The following TRIP12 variants were observed in gnomAD, a reference collection of about 807,000 sequenced individuals.
The protein encoded by TRIP12 is E3 ubiquitin-protein ligase TRIP12.
Under a neutral mutation model 244.2 loss-of-function variants are expected in TRIP12, and 25 were observed. The ratio of observed to expected loss-of-function variants is 0.10; its 90% CI spans 0.07 to 0.14. The LOEUF (loss-of-function observed/expected upper bound fraction) is 0.14, where lower values mean the gene tolerates loss of function less well. TRIP12 is among the 10% of genes least tolerant of loss of function. TRIP12 has a pLI of 1.00. For synonymous variants in TRIP12, 905 were observed against 873.1 expected (o/e 1.04, Z -0.64); for missense variants, 1,677 against 2,486.4 (o/e 0.67, Z 6.92).
At chr2:229,911,918 T>C (rs1408951125) in intron 1 of TRIP12, among the ~76,000 whole-genome samples, 2 of 152,116 alleles carry the variant, frequency 1.3e-5, no homozygotes, top group Admixed American at 6.5e-5. Flanking sequence ...CACAATTCAC[T>C]TTTGTTTTAA....
intron 8 of TRIP12, among the ~76,000 whole-genome samples, chr2:229,822,947 A>G (rs986430071): frequency 6.6e-6 from 1 of 152,238 alleles, no homozygotes; most frequent in South Asian, 2.1e-4. Flanking sequence ...TTAACAAAAG[A>G]TTGAAGACAG....
At chr2:229,879,261 A>T (rs932835324) in intron 2 of TRIP12, among the ~76,000 whole-genome samples, 5 of 152,160 alleles carry the variant, frequency 3.3e-5, no homozygotes, top group African/African-American at 1.2e-4. Flanking sequence ...AAAACAAAAA[A>T]ATTTAACAAT....
At chr2:229,781,640 A>T (rs2038200236) in intron 34 of TRIP12, among the ~76,000 whole-genome samples, 1 of 152,162 alleles carries the variant, frequency 6.6e-6, no homozygotes, top group South Asian at 2.1e-4. Flanking sequence ...GAGCCCAAAG[A>T]CTGGTATAAT....
At chr2:229,869,887 G>C (rs2062226926) in intron 2 of TRIP12, among the ~76,000 whole-genome samples, 1 of 152,176 alleles carries the variant, frequency 6.6e-6, no homozygotes, top group Non-Finnish European at 1.5e-5. Flanking sequence ...GCTCTTCTCT[G>C]CCTGTCCATC....
At chr2:229,872,104 T>TAAAAAAAAAAAAAAAAAAAA (rs34496202) in intron 2 of TRIP12, among the ~76,000 whole-genome samples, 4 of 105,262 alleles carry the variant, frequency 3.8e-5, no homozygotes, top group Non-Finnish European at 5.7e-5. Context: ...ACAGATATTG[T>TAAAAAAAAAAAAAAAAAAAA]AAAAAAAAAA....
chr2:229,774,036 C>G, intron 38 of TRIP12, 61 bp downstream of exon 38: 4 of 1,553,240 alleles, frequency 2.6e-6, no homozygotes, highest in Non-Finnish European at 3.5e-6. Context: ...AAGCAAGGTA[C>G]AATCAGGCAA....
chr2:229,817,812 C>T (rs1254708526), intron 9 of TRIP12, among the ~76,000 whole-genome samples: 1 of 152,114 alleles, frequency 6.6e-6, no homozygotes, highest in Non-Finnish European at 1.5e-5. Flanking sequence ...CCAGCCTGGT[C>T]TCCAACTCCT....
intron 1 of TRIP12, among the ~76,000 whole-genome samples, chr2:229,882,553 T>G (rs773630617): frequency 2.0e-5 from 3 of 152,112 alleles, no homozygotes; most frequent in Non-Finnish European, 4.4e-5. Flanking sequence ...AGGCCAGTCT[T>G]TTTCAAAATT....
chr2:229,818,552 G>C (rs375478990), intron 8 of TRIP12, 40 bp from the exon 9 acceptor site: 34 of 1,570,474 alleles, frequency 2.2e-5, no homozygotes, highest in Non-Finnish European at 2.8e-5. Context: ...AAACATTTAA[G>C]AAAATTATTA....
chr2:229,914,034 G>C (rs189451239), intron 1 of TRIP12, among the ~76,000 whole-genome samples: 5 of 151,954 alleles, frequency 3.3e-5, no homozygotes. Context: ...TTGGGAAGCC[G>C]AGGTGGGTGG....
At chr2:229,865,830 ACT>A (rs1171245839) in intron 2 of TRIP12, among the ~76,000 whole-genome samples, 3 of 152,178 alleles carry the variant, frequency 2.0e-5, no homozygotes, top group Admixed American at 1.3e-4. Context: ...TGTAAAACGC[ACT>A]GTTTTTCTAT....
chr2:229,811,652 A>G (rs537164726), intron 13 of TRIP12, among the ~76,000 whole-genome samples: 1 of 152,322 alleles, frequency 6.6e-6, no homozygotes, highest in East Asian at 1.9e-4. Flanking sequence ...TAGACTTGCA[A>G]TATTCACTAT....
At chr2:229,922,702 G>A (rs2076778458), upstream of TRIP12, 9 of 1,338,900 alleles carry the variant, frequency 6.7e-6, no homozygotes, top group East Asian at 1.8e-4. Context: ...AAGAGCAACC[G>A]TAGCCCGCCG....
chr2:229,788,110 T>C (rs2040543195), intron 32 of TRIP12, among the ~76,000 whole-genome samples: 1 of 152,184 alleles, frequency 6.6e-6, no homozygotes, highest in South Asian at 2.1e-4. Flanking sequence ...GCCAGGTCAA[T>C]TAATTTTTAA....
intron 1 of TRIP12, among the ~76,000 whole-genome samples, chr2:229,882,462 C>T (rs943084534): frequency 6.6e-6 from 1 of 152,026 alleles, no homozygotes; most frequent in Non-Finnish European, 1.5e-5. Context: ...TCTTTGGGCA[C>T]AAAAATTGGA....
Position 229,769,228 on chromosome 2 carries a change from T to C in TRIP12, c.5903+3A>G. The C allele has an allele frequency of 6.2e-7, 1 of 1,611,840 alleles. No homozygotes were observed. The highest frequency in any genetic ancestry group is 8.5e-7 in the Non-Finnish European group (1 of 1,178,966). On this transcript the variant is annotated splice_donor_region_variant and intron_variant, in intron 40 of 41. Transcript: ENST00000675903. ...AGAAAAACTGGCAGACCCCAGTACT[T>C]ACCTGTCATGAGTATAACCATGATC...
intron 1 of TRIP12, among the ~76,000 whole-genome samples, chr2:229,917,908 C>T (rs1323170917): frequency 2.6e-5 from 4 of 151,984 alleles, no homozygotes; most frequent in Non-Finnish European, 5.9e-5. Flanking sequence ...GCCTGGGCTA[C>T]AACTCCTAGC....
intron 4 of TRIP12, among the ~76,000 whole-genome samples, chr2:229,845,881 G>A (rs1344714955): frequency 1.3e-5 from 2 of 151,588 alleles, no homozygotes; most frequent in Admixed American, 6.6e-5. Context: ...AAAAAAATTA[G>A]CTGGGTGCGG....
chr2:229,811,350 A>C lies in TRIP12; in HGVS notation c.1987-146T>G, dbSNP rs78059473. 3,237 of 779,466 alleles carry C rather than the reference A, an allele frequency of 4.2e-3. 84 individuals are homozygous for C. The African/African-American group carries it at 0.051, about 12-fold the overall frequency. 48.3% of individuals were successfully genotyped at this position (779,466 alleles called of 1,614,324 possible). ...CAGCTTTGAAAATGCAAATGGGCCT[A>C]AGCAAGGTACAGTCAGTAACATCAC... On this transcript the variant is annotated intron_variant, in intron 13 of 41. Transcript: ENST00000675903.
Sources: allele counts gnomAD v4.1 joint callset (sites outside exome capture counted in the v4.1 genomes callset), GRCh38; gene constraint gnomAD v4.1.1; transcripts MANE v1.5; gene names NCBI Gene and HGNC (gene_info 2026-07-23, HGNC 2026-07-21).